The following KCNIP4 variants were observed in gnomAD, a reference collection of about 807,000 sequenced individuals.
The protein encoded by KCNIP4 is Kv channel-interacting protein 4.
A neutral mutation model predicts 34.0 loss-of-function variants in KCNIP4; 12 were observed. The observed-to-expected ratio is 0.35, with a 90% CI of 0.23 to 0.57. The LOEUF (loss-of-function observed/expected upper bound fraction) is 0.57, where lower values mean the gene tolerates loss of function less well. Among genes scored for constraint, KCNIP4 ranks in the 20% least tolerant of loss-of-function variants. The probability of loss-of-function intolerance (pLI) is 0.83; values close to 1 mark genes in which losing one functional copy is unlikely to be tolerated. For synonymous variants in KCNIP4, 124 were observed against 102.2 expected (o/e 1.21, Z -1.29); for missense variants, 238 against 311.7 (o/e 0.76, Z 1.78).
intron 1 of KCNIP4, among the ~76,000 whole-genome samples, chr4:21,420,116 C>T (rs369608433): frequency 2.0e-5 from 3 of 152,114 alleles, no homozygotes; most frequent in Non-Finnish European, 4.4e-5. Flanking sequence ...TGTATACCTA[C>T]TTGTCAATGT....
intron 1 of KCNIP4, among the ~76,000 whole-genome samples, chr4:21,114,564 G>A (rs1398235103): frequency 6.6e-6 from 1 of 151,998 alleles, no homozygotes; most frequent in Non-Finnish European, 1.5e-5. Context: ...ATTCTCATCT[G>A]GGTCATGATC....
rs368397631 is a variant in KCNIP4, at chr4:21,026,713, A to G, written c.62-144004T>C. Among the ~76,000 whole-genome samples, 4 of 152,288 alleles carry G rather than the reference A, an allele frequency of 2.6e-5. No homozygotes were observed. In the East Asian group the frequency reaches 5.8e-4, roughly 22 times the overall value. ...AGGATCCATGGTAACATCTTCATTA[A>G]TTTCTTTTTAGAATCTGATTGGGAT... On this transcript the variant is annotated intron_variant, in intron 1 of 8. Coordinates refer to ENST00000382152, the MANE Select transcript of KCNIP4 (RefSeq NM_025221.6).
chr4:21,771,058 G>A (rs1718749112), intron 1 of KCNIP4, among the ~76,000 whole-genome samples: 1 of 152,042 alleles, frequency 6.6e-6, no homozygotes, highest in Admixed American at 6.6e-5. Context: ...TTTCTTCTAG[G>A]GATCTTATGG....
At chr4:21,113,538 A>T (rs1749432409) in intron 1 of KCNIP4, among the ~76,000 whole-genome samples, 1 of 150,778 alleles carries the variant, frequency 6.6e-6, no homozygotes. Flanking sequence ...TATCTCTGGG[A>T]CTTAATCTAG....
In KCNIP4 at chr4:20,836,878, T is replaced by TG. The variant is rs1243942552; in HGVS notation, c.288+13664_288+13665insC. On this transcript the variant is annotated intron_variant, in intron 3 of 8. Transcript: ENST00000382152. ...TCTTTCATAGAGTTCTCTCTTTTTT[T>TG]TTTTCCATTGGATGTACCATAATTT... Among the ~76,000 whole-genome samples the TG allele has an allele frequency of 3.7e-4, 56 of 152,190 alleles. 1 individual carries two copies. Among genetic ancestry groups the TG allele is most frequent in the African/African-American group, 1.2e-3 (48 of 41,536 alleles).
intron 1 of KCNIP4, among the ~76,000 whole-genome samples, chr4:21,710,110 C>T (rs932691895): frequency 1.3e-5 from 2 of 152,186 alleles, no homozygotes; most frequent in African/African-American, 4.8e-5. Flanking sequence ...TTTTGACTTA[C>T]ATAAGGCAGA....
intron 1 of KCNIP4, among the ~76,000 whole-genome samples, chr4:21,519,594 GTATATATACACATATGTGTGTGTA>G (rs1735239249): frequency 7.6e-5 from 2 of 26,364 alleles, no homozygotes; most frequent in Non-Finnish European, 1.2e-4. Flanking sequence ...GTATGTATGT[GTATATATACACATATGTGTGTGTA>G]TGTATGTGTA....
intron 1 of KCNIP4, among the ~76,000 whole-genome samples, chr4:21,758,747 G>GCTTT (rs199710046): frequency 0.49 from 74,695 of 151,688 alleles, 20,306 homozygotes; most frequent in Non-Finnish European, 0.63. Context: ...AGCCATATAT[G>GCTTT]GGCTGCTTCT....
chr4:20,900,084 C>A (rs1235918392), intron 1 of KCNIP4, among the ~76,000 whole-genome samples: 2 of 152,124 alleles, frequency 1.3e-5, no homozygotes, highest in African/African-American at 4.8e-5. Context: ...AAAATGACCT[C>A]ACTCTGGGGG....
At chr4:21,632,593 T>A (rs1396491033) in intron 1 of KCNIP4, among the ~76,000 whole-genome samples, 4 of 152,152 alleles carry the variant, frequency 2.6e-5, no homozygotes, top group African/African-American at 9.7e-5. Context: ...GTAAATAGAA[T>A]CCTTTCAATA....
At chr4:20,972,629 C>T (rs1049656838) in intron 1 of KCNIP4, among the ~76,000 whole-genome samples, 3 of 152,034 alleles carry the variant, frequency 2.0e-5, no homozygotes, top group Non-Finnish European at 4.4e-5. Flanking sequence ...AGAGCACAGG[C>T]AGAATAGATT....
chr4:21,335,833 T>C (rs977576011), intron 1 of KCNIP4, among the ~76,000 whole-genome samples: 6 of 152,134 alleles, frequency 3.9e-5, no homozygotes, highest in Non-Finnish European at 1.5e-5. Context: ...GTTTAGCTTG[T>C]AGAAAGAAGT....
intron 2 of KCNIP4, among the ~76,000 whole-genome samples, chr4:20,867,874 C>G (rs1169877887): frequency 6.6e-6 from 1 of 152,002 alleles, no homozygotes; most frequent in African/African-American, 2.4e-5. Flanking sequence ...ACACTGGGGC[C>G]TGTTGTGGGG....
chr4:21,016,527 C>A (rs1448825146), intron 1 of KCNIP4, among the ~76,000 whole-genome samples: 1 of 152,130 alleles, frequency 6.6e-6, no homozygotes, highest in African/African-American at 2.4e-5. Context: ...GATCTCCTGA[C>A]CTCGTGATCT....
rs557934798 is a variant in KCNIP4, at chr4:21,274,997, C to T, written c.62-392288G>A. 2.2e-3 allele frequency among the ~76,000 whole-genome samples: 333 copies of T among 152,268 alleles called. 3 individuals carry two copies. Among genetic ancestry groups the T allele is most frequent in the African/African-American group, 7.6e-3 (316 of 41,540 alleles). ...AGAAATTGATCCTCTAATCCCATGGCACTCAAACCTAAAGCCATTACTCAA... is the reference window on the plus strand; with the variant it reads ...AGAAATTGATCCTCTAATCCCATGGTACTCAAACCTAAAGCCATTACTCAA... On this transcript the variant is annotated intron_variant, in intron 1 of 8. Transcript: ENST00000382152.
At chr4:21,148,593 C>T (rs975739949) in intron 1 of KCNIP4, among the ~76,000 whole-genome samples, 2 of 151,434 alleles carry the variant, frequency 1.3e-5, no homozygotes, top group Non-Finnish European at 2.9e-5. Flanking sequence ...ATTCCACTGT[C>T]AAGATGCATT....
At chr4:21,820,681 T>C (rs1156803505) in intron 1 of KCNIP4, among the ~76,000 whole-genome samples, 1 of 152,154 alleles carries the variant, frequency 6.6e-6, no homozygotes. Context: ...GATTTGTTTA[T>C]TTTGCTCTGC....
chr4:21,887,606 A>T (rs1453650066), intron 1 of KCNIP4, among the ~76,000 whole-genome samples: 1 of 152,162 alleles, frequency 6.6e-6, no homozygotes, highest in Admixed American at 6.6e-5. Context: ...TGTTTCAGAC[A>T]CAGAAACTTA....
intron 1 of KCNIP4, among the ~76,000 whole-genome samples, chr4:21,195,059 A>G (rs1203697628): frequency 1.3e-5 from 2 of 152,084 alleles, no homozygotes; most frequent in Non-Finnish European, 2.9e-5. Flanking sequence ...CTCCTTAATG[A>G]AGTCATTTCT....
Sources: gnomAD v4.1 joint callset for allele counts (sites outside exome capture counted in the v4.1 genomes callset) on GRCh38, gnomAD v4.1.1 for gene constraint, MANE v1.5 for transcripts, NCBI Gene and HGNC (gene_info 2026-07-23, HGNC 2026-07-21) for gene names.